The following TRPM4 variants were observed in gnomAD, a reference collection of about 807,000 sequenced individuals.
The protein encoded by TRPM4 is transient receptor potential cation channel subfamily M member 4, also known as calcium-activated non-selective cation channel 1.
A neutral mutation model predicts 135.6 loss-of-function variants in TRPM4; 124 were observed. The ratio of observed to expected loss-of-function variants is 0.91; its 90% CI spans 0.79 to 1.06. The LOEUF is 1.06. Among genes scored for constraint, TRPM4 ranks in the 50% least tolerant of loss-of-function variants. TRPM4 has a pLI of 0.00. For missense variants in TRPM4, 1,658 were observed against 1,671.4 expected (o/e 0.99, Z 0.14); for synonymous variants, 745 against 705.6 (o/e 1.06, Z -0.88).
chr19:49,205,398 G>A (rs1444630187), intron 20 of TRPM4, among the ~76,000 whole-genome samples: 1 of 151,930 alleles, frequency 6.6e-6, no homozygotes, highest in Non-Finnish European at 1.5e-5. Context: ...TTGGATTAGG[G>A]ACCATGCTAA....
chr19:49,191,890 C>T (rs80091175), intron 16 of TRPM4, among the ~76,000 whole-genome samples: 2,996 of 152,256 alleles, frequency 0.02, 65 homozygotes, highest in African/African-American at 0.045. Flanking sequence ...AGGAAGCTTC[C>T]CAGGTGCCAA....
rs778378148 is a variant in TRPM4 at position 49,211,001 on chromosome 19, C to T, written c.3462-14C>T. On this transcript the variant is annotated splice_polypyrimidine_tract_variant and intron_variant, in intron 22 of 24. Coordinates refer to ENST00000252826, the MANE Select transcript of TRPM4 (RefSeq NM_017636.4). This position sits in a 1 kb window ranked among gnomAD's most constrained non-coding sequence, Gnocchi z 4.8. Reference sequence around the variant, plus strand: ...GGCTGCGGGTGCCCCCGGTAAGAGGCCCTCCCTTCTCAGGGTGGACTTGGC... The same window carrying T: ...GGCTGCGGGTGCCCCCGGTAAGAGGTCCTCCCTTCTCAGGGTGGACTTGGC... 3.1e-6 allele frequency: 5 copies of T among 1,613,378 alleles called. No homozygotes were observed. Among genetic ancestry groups the T allele is most frequent in the Middle Eastern group, 1.7e-4 (1 of 5,904 alleles).
Position 49,182,919 on chromosome 19 carries a change from G to T in TRPM4, c.1605G>T (p.Glu535Asp). 3 of 1,591,074 alleles carry T rather than the reference G, an allele frequency of 1.9e-6. No homozygotes were observed. The highest frequency in any genetic ancestry group is 2.6e-6 in the Non-Finnish European group (3 of 1,169,154). ...WDPHPGQGFGESMYLLSDKAT... is the reference protein window; with the variant it reads ...WDPHPGQGFGDSMYLLSDKAT... ...CTCACCCAGGCCAGGGCTTCGGGGAGAGCGTAAGGACCGGGCAAAGCTGGG... is the reference window on the plus strand; with the variant it reads ...CTCACCCAGGCCAGGGCTTCGGGGATAGCGTAAGGACCGGGCAAAGCTGGG... The change falls in exon 11 of 25, where the codon GAG becomes GAT. Residue 535 changes from glutamate to aspartate, a missense_variant. Coordinates refer to ENST00000252826, the MANE Select transcript of TRPM4 (RefSeq NM_017636.4).
At chr19:49,205,463 A>G (rs1027424787) in intron 20 of TRPM4, among the ~76,000 whole-genome samples, 17 of 151,570 alleles carry the variant, frequency 1.1e-4, no homozygotes, top group African/African-American at 2.9e-4. Flanking sequence ...ATAAAGCCAC[A>G]TATTTCATAA....
At chr19:49,183,775 C>CTT (rs112249914) in intron 12 of TRPM4, among the ~76,000 whole-genome samples, 2 of 124,192 alleles carry the variant, frequency 1.6e-5, no homozygotes, top group African/African-American at 2.9e-5. Context: ...TTTTCTTTTT[C>CTT]TTTTTTTTTT....
At chr19:49,169,193 C>A (rs1408648953) in intron 6 of TRPM4, among the ~76,000 whole-genome samples, 4 of 151,114 alleles carry the variant, frequency 2.6e-5, no homozygotes, top group Admixed American at 2.6e-4. Flanking sequence ...AAGCAATACT[C>A]CATCTCAAAC....
rs184132069 is a variant in TRPM4 at position 49,166,028 on chromosome 19, C to T, written c.93-13C>T. The T allele has an allele frequency of 7.0e-6, 11 of 1,581,630 alleles. No individual in the cohort carries two copies. The highest frequency in any genetic ancestry group is 2.7e-5 in the African/African-American group (2 of 74,676). Reference sequence around the variant, plus strand: ...GGCAGCCCTGGGTTCACGCTCCGCCCTCGCACCCCCAGAGGGACCTTGTGC... The same window carrying T: ...GGCAGCCCTGGGTTCACGCTCCGCCTTCGCACCCCCAGAGGGACCTTGTGC... On this transcript the variant is annotated splice_polypyrimidine_tract_variant and intron_variant, in intron 2 of 24. Coordinates refer to ENST00000252826, the MANE Select transcript of TRPM4 (RefSeq NM_017636.4).
intron 20 of TRPM4, among the ~76,000 whole-genome samples, chr19:49,208,356 G>A (rs900813751): frequency 3.3e-5 from 5 of 151,694 alleles, no homozygotes; most frequent in African/African-American, 9.7e-5. Flanking sequence ...TCCCTTTCCC[G>A]GTCTGCTAAG....
rs555526042 is a variant in TRPM4, at chr19:49,182,253, T to C, written c.1264-325T>C. Among the ~76,000 whole-genome samples the C allele has an allele frequency of 0.088, 6,000 of 68,374 alleles. 460 individuals are homozygous for C. The highest frequency in any genetic ancestry group is 0.23 in the African/African-American group (4,086 of 17,972). The allele number at this position is 68,374 out of a possible 152,430, so 44.9% of individuals were successfully genotyped here. A position where few individuals can be genotyped will look rare whatever the true frequency, so the allele number is the denominator to read the frequency against. ...CCATCCATCTATCCATCCATCCATCTGTCCATCCATTCATCTGTCCATCCA... is the reference window on the plus strand; with the variant it reads ...CCATCCATCTATCCATCCATCCATCCGTCCATCCATTCATCTGTCCATCCA... On this transcript the variant is annotated intron_variant, in intron 10 of 24. Transcript: ENST00000252826.
Position 49,171,381 on chromosome 19 carries a change from T to C in TRPM4, c.821T>C (p.Leu274Pro). The change falls in exon 7 of 25, where the codon CTG becomes CCG. Residue 274 changes from leucine to proline, a missense_variant. Transcript: ENST00000252826. This position sits in a 1 kb window ranked among gnomAD's most constrained non-coding sequence, Gnocchi z 4.7. ...GGGACTGGAATTGACATCCCTGTCC[T>C]GCTCCTCCTGATTGATGGTGATGAG... ...VGGTGIDIPVLLLLIDGDEKM... is the reference protein window; with the variant it reads ...VGGTGIDIPVPLLLIDGDEKM... 1 of 1,614,056 alleles carries C rather than the reference T, an allele frequency of 6.2e-7. No individual in the cohort carries two copies. The highest frequency in any genetic ancestry group is 8.5e-7 in the Non-Finnish European group (1 of 1,180,018).
chr19:49,166,025 G>C lies in TRPM4; in HGVS notation c.93-16G>C. On this transcript the variant is annotated splice_polypyrimidine_tract_variant and intron_variant, in intron 2 of 24. Transcript: ENST00000252826. ...GGGGGCAGCCCTGGGTTCACGCTCC[G>C]CCCTCGCACCCCCAGAGGGACCTTG... 1 of 1,578,230 alleles carries C rather than the reference G, an allele frequency of 6.3e-7. No individual in the cohort carries two copies. The highest frequency in any genetic ancestry group is 8.6e-7 in the Non-Finnish European group (1 of 1,164,156).
Position 49,171,815 on chromosome 19 carries a change from C to A in TRPM4, c.1050+46C>A, listed in dbSNP as rs758232817. ...CTCTGGATCCTGAGATGGGAGGGAA[C>A]TGGGGACTTGGGCTCCTGGGTCTGA... On this transcript the variant is annotated intron_variant, in intron 8 of 24. Coordinates refer to ENST00000252826, the MANE Select transcript of TRPM4 (RefSeq NM_017636.4). The surrounding 1 kb of genome is among the most constrained non-coding windows in gnomAD (Gnocchi z 4.7). The A allele has an allele frequency of 3.8e-6, 6 of 1,585,810 alleles. No individual in the cohort carries two copies. The highest frequency in any genetic ancestry group is 3.4e-5 in the Admixed American group (2 of 58,042).
In TRPM4 at chr19:49,160,761, A is replaced by T. The variant is rs550859683; in HGVS notation, c.92+2502A>T. ...TGTGGAAAAACTTTCTGGGGCTGGG[A>T]GAGGATGAACAGGAGCTCGGGAGGA... On this transcript the variant is annotated intron_variant, in intron 2 of 24. Transcript: ENST00000252826. 2.6e-4 allele frequency among the ~76,000 whole-genome samples: 40 copies of T among 151,948 alleles called. No individual in the cohort carries two copies. The South Asian group carries it at 7.3e-3, about 28-fold the overall frequency.
chr19:49,174,192 G>C (rs1013158320), intron 9 of TRPM4, among the ~76,000 whole-genome samples: 5 of 151,852 alleles, frequency 3.3e-5, no homozygotes, highest in African/African-American at 1.2e-4. Context: ...TTGCTCTGTC[G>C]CCCAGGCTGG....
At chr19:49,167,089 C>T (rs1264921326) in intron 3 of TRPM4, among the ~76,000 whole-genome samples, 6 of 139,792 alleles carry the variant, frequency 4.3e-5, no homozygotes, top group Non-Finnish European at 9.4e-5. Context: ...GGTCTCTGTC[C>T]CTCTCTCTCT....
At chr19:49,166,796 G>T (rs937133341) in intron 3 of TRPM4, among the ~76,000 whole-genome samples, 6 of 145,202 alleles carry the variant, frequency 4.1e-5, no homozygotes, top group Non-Finnish European at 9.0e-5. Flanking sequence ...CTGGGCCTCT[G>T]TTTCCCCTTT....
At chr19:49,201,120 G>A (rs573527561) in intron 19 of TRPM4, among the ~76,000 whole-genome samples, 120 of 141,018 alleles carry the variant, frequency 8.5e-4, no homozygotes, top group African/African-American at 3.0e-3. Flanking sequence ...ATTTTTTGTA[G>A]AAAGGGTACA....
chr19:49,200,046 G>C (rs1009174736), intron 17 of TRPM4, among the ~76,000 whole-genome samples: 1 of 152,146 alleles, frequency 6.6e-6, no homozygotes, highest in East Asian at 1.9e-4. Flanking sequence ...TTCTTACAGG[G>C]ACCAGCTCTT....
At chr19:49,163,133 A>G (rs1967030015) in intron 2 of TRPM4, among the ~76,000 whole-genome samples, 2 of 151,906 alleles carry the variant, frequency 1.3e-5, no homozygotes, top group South Asian at 4.1e-4. Context: ...GAACCCATGC[A>G]GCTATCACAT....
Sources: allele counts gnomAD v4.1 joint callset (sites outside exome capture counted in the v4.1 genomes callset), GRCh38; gene constraint gnomAD v4.1.1; non-coding constraint Gnocchi (gnomAD v3.1); transcripts MANE v1.5; gene names NCBI Gene and HGNC (gene_info 2026-07-23, HGNC 2026-07-21).